The following APCDD1L variants were observed in gnomAD, a reference collection of about 807,000 sequenced individuals.
APCDD1L encodes APC down-regulated 1 like.
Under a neutral mutation model 24.2 loss-of-function variants are expected in APCDD1L, and 21 were observed. The observed-to-expected ratio is 0.87, with a 90% confidence interval of 0.61 to 1.25. The LOEUF is 1.25. Among genes scored for constraint, APCDD1L ranks in the 50% most tolerant of loss-of-function variants. APCDD1L has a pLI of 0.00. For synonymous variants in APCDD1L, 321 were observed against 323.6 expected (o/e 0.99, Z 0.09); for missense variants, 704 against 711.7 (o/e 0.99, Z 0.12).
chr20:58,462,414 C>T (rs894529825), intron 3 of APCDD1L, among the ~76,000 whole-genome samples: 1 of 152,148 alleles, frequency 6.6e-6, no homozygotes, highest in South Asian at 2.1e-4. Flanking sequence ...CTCATGTGCT[C>T]ATAGCAGGTT....
intron 1 of APCDD1L, among the ~76,000 whole-genome samples, chr20:58,503,075 T>C (rs1308425182): frequency 2.6e-5 from 4 of 152,188 alleles, no homozygotes; most frequent in Admixed American, 1.3e-4. Context: ...GTCTCTGAAT[T>C]TCCCTAAGGC....
At chr20:58,489,643 C>T (rs1008251677) in intron 1 of APCDD1L, among the ~76,000 whole-genome samples, 2 of 150,650 alleles carry the variant, frequency 1.3e-5, no homozygotes, top group Non-Finnish European at 3.0e-5. Flanking sequence ...GAGATCACGC[C>T]ACTGCACTCC....
chr20:58,501,043 C>T (rs1224838783), intron 1 of APCDD1L, among the ~76,000 whole-genome samples: 1 of 152,212 alleles, frequency 6.6e-6, no homozygotes, highest in East Asian at 1.9e-4. Flanking sequence ...CCCCTGGGAA[C>T]CCCTCCTTGA....
At chr20:58,486,864 T>TTTTTG (rs1425599669) in intron 1 of APCDD1L, among the ~76,000 whole-genome samples, 6 of 130,744 alleles carry the variant, frequency 4.6e-5, no homozygotes, top group African/African-American at 1.5e-4. Context: ...GTTTTTTTTT[T>TTTTTG]TTTTTTTTTT....
At chr20:58,476,339 T>G (rs539333713) in intron 1 of APCDD1L, among the ~76,000 whole-genome samples, 5 of 152,298 alleles carry the variant, frequency 3.3e-5, no homozygotes. Flanking sequence ...TACAGGCGCA[T>G]GCCACCATGC....
rs761321669 is a variant in APCDD1L at position 58,497,598 on chromosome 20, C to G, written c.49+17061G>C. Among the ~76,000 whole-genome samples, 1 of 152,112 alleles carries G rather than the reference C, an allele frequency of 6.6e-6. No homozygotes were observed. The highest frequency in any genetic ancestry group is 6.5e-5 in the Admixed American group (1 of 15,280). On this transcript the variant is annotated intron_variant, in intron 1 of 3. Transcript: ENST00000371149. The surrounding 1 kb of genome is among the most constrained non-coding windows in gnomAD (Gnocchi z 4.3). ...ATCGTCTTCCTTCGACGCAGGTCTGCGTCCAAATATCCCCTTTCTATGAGG... is the reference window on the plus strand; with the variant it reads ...ATCGTCTTCCTTCGACGCAGGTCTGGGTCCAAATATCCCCTTTCTATGAGG...
intron 1 of APCDD1L, among the ~76,000 whole-genome samples, chr20:58,511,824 C>G (rs1990633289): frequency 6.6e-6 from 1 of 151,980 alleles, no homozygotes; most frequent in Non-Finnish European, 1.5e-5. Flanking sequence ...GTGATTTTGA[C>G]CTAGTTAATC....
chr20:58,472,454 T>C (rs1989829649), intron 1 of APCDD1L, among the ~76,000 whole-genome samples: 1 of 152,098 alleles, frequency 6.6e-6, no homozygotes, highest in South Asian at 2.1e-4. Flanking sequence ...GACTTCGGGG[T>C]GTGACGGCGT....
In APCDD1L at chr20:58,467,703, C is replaced by T; in HGVS notation, c.189-45G>A. On this transcript the variant is annotated intron_variant, in intron 2 of 3. Transcript: ENST00000371149. The surrounding 1 kb of genome is among the most constrained non-coding windows in gnomAD (Gnocchi z 5.9). ...TGGGCTGGGTGCAGAGGGAACACCG[C>T]GCCGCGAGCCCCTCTCCCCTCTGGG... The T allele has an allele frequency of 7.1e-7, 1 of 1,405,782 alleles. No homozygotes were observed. The highest frequency in any genetic ancestry group is 1.5e-5 in the African/African-American group (1 of 66,694). 87.1% of individuals were successfully genotyped at this position (1,405,782 alleles called of 1,614,324 possible). A position where few individuals can be genotyped will look rare whatever the true frequency, so the allele number is the denominator to read the frequency against.
chr20:58,470,769 G>T (rs1302330239), intron 1 of APCDD1L, 22 bp from the exon 2 acceptor site: 1 of 1,522,980 alleles, frequency 6.6e-7, no homozygotes, highest in Non-Finnish European at 8.8e-7. Flanking sequence ...ACAGACCTGG[G>T]TAAGACCCCA....
intron 1 of APCDD1L, chr20:58,513,814 T>C (rs1394058073): frequency 1.7e-6 from 2 of 1,148,406 alleles, no homozygotes; most frequent in Admixed American, 2.3e-5. Flanking sequence ...TGGCCATGCT[T>C]ACCCAAAGCC....
intron 3 of APCDD1L, among the ~76,000 whole-genome samples, chr20:58,465,174 C>A (rs113786016): frequency 2.0e-5 from 3 of 152,326 alleles, no homozygotes; most frequent in African/African-American, 7.2e-5. Flanking sequence ...CTAGCGCCTT[C>A]TCTGAACTAA....
intron 1 of APCDD1L, among the ~76,000 whole-genome samples, chr20:58,486,627 G>T (rs1370131008): frequency 6.6e-6 from 1 of 151,778 alleles, no homozygotes; most frequent in East Asian, 1.9e-4. Flanking sequence ...ATACCAAGTG[G>T]GATTAAGAAA....
Position 58,510,426 on chromosome 20 carries a change from G to A in APCDD1L, c.49+4233C>T, listed in dbSNP as rs147262727. Among the ~76,000 whole-genome samples, 187 of 152,218 alleles carry A rather than the reference G, an allele frequency of 1.2e-3. 1 individual carries two copies. Among genetic ancestry groups the A allele is most frequent in the African/African-American group, 4.2e-3 (175 of 41,534 alleles). ...TGGCCCACTGCAACCTCCGCCTCCCGGGTTCAAGCAATTCTCCTGCCTCAG... is the reference window on the plus strand; with the variant it reads ...TGGCCCACTGCAACCTCCGCCTCCCAGGTTCAAGCAATTCTCCTGCCTCAG... On this transcript the variant is annotated intron_variant, in intron 1 of 3. Transcript: ENST00000371149.
At chr20:58,475,397 T>C (rs1490282985) in intron 1 of APCDD1L, among the ~76,000 whole-genome samples, 1 of 152,210 alleles carries the variant, frequency 6.6e-6, no homozygotes. Context: ...GTGGCGGTAG[T>C]TATCATAACA....
rs757614065 is a variant in APCDD1L, at chr20:58,467,265, G to C, written c.582C>G (p.His194Gln). 1.8e-5 allele frequency: 29 copies of C among 1,574,984 alleles called. 1 individual carries two copies. The South Asian group carries it at 3.0e-4, about 16-fold the overall frequency. Residue 194 changes from histidine (H) to glutamine (Q), a missense_variant, in exon 3 of 4, where the codon CAC (histidine) becomes CAG (glutamine). His to Gln is a conservative substitution (Grantham distance 24). Transcript: ENST00000371149. The surrounding 1 kb of genome is among the most constrained non-coding windows in gnomAD (Gnocchi z 5.9). Reference sequence around the variant, plus strand: ...GCTGCACGCGGACCAGGCTGAGCTCGTGCATGGTGAGGCCCAGCGCCTCCA... The same window carrying C: ...GCTGCACGCGGACCAGGCTGAGCTCCTGCATGGTGAGGCCCAGCGCCTCCA... ...DCLEALGLTM[H>Q]ELSLVRVQRR...
rs181051274 is a variant in APCDD1L at position 58,491,590 on chromosome 20, G to T, written c.50-20843C>A. On this transcript the variant is annotated intron_variant, in intron 1 of 3. Transcript: ENST00000371149. ...TTAAAATTTCTTGAAAGACATTAAA[G>T]ATATAAATAAATGAAGTGAGATATA... 7.9e-5 allele frequency among the ~76,000 whole-genome samples: 12 copies of T among 152,244 alleles called. No homozygotes were observed. The East Asian group carries it at 2.3e-3, about 29-fold the overall frequency.
At position 58,508,200 on chromosome 20, in the gene APCDD1L, T is replaced by C. The variant is rs929461258; in HGVS notation, c.49+6459A>G. The stretch of plus-strand genomic sequence containing the variant: ...GCAGAAGAAACAGCCTATGCATGCA[T>C]ATGGAGGTTGTGGTGGGAAGGAATG... On this transcript the variant is annotated intron_variant, in intron 1 of 3. Transcript: ENST00000371149. This position sits in a 1 kb window ranked among gnomAD's most constrained non-coding sequence, Gnocchi z 4.0. 2.0e-5 allele frequency among the ~76,000 whole-genome samples: 3 copies of C among 152,092 alleles called. No individual in the cohort carries two copies. The highest frequency in any genetic ancestry group is 4.4e-5 in the Non-Finnish European group (3 of 67,998).
intron 1 of APCDD1L, among the ~76,000 whole-genome samples, chr20:58,471,843 A>C (rs1340281011): frequency 6.6e-6 from 1 of 152,196 alleles, no homozygotes; most frequent in African/African-American, 2.4e-5. Flanking sequence ...CGAAGCTTCC[A>C]AGCATGGCTC....
Sources: allele counts gnomAD v4.1 joint callset (sites outside exome capture counted in the v4.1 genomes callset), GRCh38; gene constraint gnomAD v4.1.1; non-coding constraint Gnocchi (gnomAD v3.1); transcripts MANE v1.5; gene names NCBI Gene and HGNC (gene_info 2026-07-23, HGNC 2026-07-21).